The following ANKRD11 variants were observed in gnomAD, a reference collection of about 807,000 sequenced individuals.
ANKRD11 encodes ankyrin repeat domain 11.
ANKRD11 carries 17 observed loss-of-function variants against 195.7 expected under a neutral mutation model. The ratio of observed to expected loss-of-function variants is 0.09; its 90% CI spans 0.06 to 0.13. The LOEUF is 0.13. ANKRD11 is among the 10% of genes least tolerant of loss of function. The pLI is 1.00. For missense variants in ANKRD11, 3,735 were observed against 3,566.1 expected (o/e 1.05, Z -1.21); for synonymous variants, 1,953 against 1,528.1 (o/e 1.28, Z -6.49).
chr16:89,386,362 C>G (rs996114251), intron 2 of ANKRD11, among the ~76,000 whole-genome samples: 3 of 152,120 alleles, frequency 2.0e-5, no homozygotes, highest in Non-Finnish European at 4.4e-5. Context: ...CAACGTTACT[C>G]GTGTGTCCAG....
chr16:89,371,745 T>C (rs1309155063), intron 2 of ANKRD11, among the ~76,000 whole-genome samples: 2 of 152,242 alleles, frequency 1.3e-5, no homozygotes, highest in Non-Finnish European at 2.9e-5. Flanking sequence ...GACTCCCTCC[T>C]GCACCCCCTC....
rs1467607687 is a variant in ANKRD11, at chr16:89,367,884, G to A, written c.-60+50400C>T. 3.3e-5 allele frequency among the ~76,000 whole-genome samples: 5 copies of A among 152,178 alleles called. No homozygotes were observed. The South Asian group carries it at 1.0e-3, about 32-fold the overall frequency. Reference sequence around the variant, plus strand: ...AGTCAGGCACGGTGGTGTGCTTGTGGTACCGGCTACTCCAGAGGCTGAGGT... The same window carrying A: ...AGTCAGGCACGGTGGTGTGCTTGTGATACCGGCTACTCCAGAGGCTGAGGT... On this transcript the variant is annotated intron_variant, in intron 2 of 12. Coordinates refer to ENST00000301030, the MANE Select transcript of ANKRD11 (RefSeq NM_013275.6).
intron 1 of ANKRD11, among the ~76,000 whole-genome samples, chr16:89,456,542 CAAA>C (rs748076442): frequency 1.3e-5 from 1 of 74,306 alleles, no homozygotes. Context: ...GACTCCGTTT[CAAA>C]AAAAAAAAAA....
At chr16:89,384,570 T>C (rs1443590671) in intron 2 of ANKRD11, among the ~76,000 whole-genome samples, 4 of 150,298 alleles carry the variant, frequency 2.7e-5, no homozygotes, top group Middle Eastern at 6.3e-3. Context: ...TGGGACAGGA[T>C]GGGACGGGAC....
chr16:89,465,262 T>C (rs571962952), intron 1 of ANKRD11, among the ~76,000 whole-genome samples: 1 of 152,114 alleles, frequency 6.6e-6, no homozygotes, highest in Non-Finnish European at 1.5e-5. Context: ...TTCAAGATGC[T>C]AACCAATATA....
intron 3 of ANKRD11, 116 bp from the exon 4 acceptor site, chr16:89,305,460 C>G: frequency 7.1e-7 from 1 of 1,415,570 alleles, no homozygotes; most frequent in Non-Finnish European, 9.8e-7. Context: ...TGAACACCCT[C>G]CCTGCACCCC....
intron 2 of ANKRD11, among the ~76,000 whole-genome samples, chr16:89,331,931 G>C (rs867681992): frequency 2.6e-5 from 4 of 152,116 alleles, no homozygotes; most frequent in African/African-American, 4.8e-5. Context: ...GCTGGGAACC[G>C]TCATCACCAC....
chr16:89,313,405 G>T, intron 3 of ANKRD11: 2 of 1,288,882 alleles, frequency 1.6e-6, no homozygotes, highest in Non-Finnish European at 2.0e-6. Context: ...GGTCGGCAAT[G>T]GTGAGAGACC....
At chr16:89,382,766 C>T (rs933973258) in intron 2 of ANKRD11, among the ~76,000 whole-genome samples, 9 of 152,222 alleles carry the variant, frequency 5.9e-5, no homozygotes, top group Non-Finnish European at 1.3e-4. Context: ...AGGTGTGAGT[C>T]AACTGTGTTC....
rs1189551772 is a variant in ANKRD11 at position 89,457,055 on chromosome 16, G to T, written c.-145+33190C>A. Among the ~76,000 whole-genome samples the T allele has an allele frequency of 2.7e-5, 4 of 149,370 alleles. No homozygotes were observed. The East Asian group carries it at 8.0e-4, about 30-fold the overall frequency. On this transcript the variant is annotated intron_variant, in intron 1 of 12. Coordinates refer to ENST00000301030, the MANE Select transcript of ANKRD11 (RefSeq NM_013275.6). ...GCTCACTGCAAGCTCCGCCTCCCGG[G>T]TTCACGCCATTCTCCTGCCTCAGCC...
intron 2 of ANKRD11, among the ~76,000 whole-genome samples, chr16:89,370,301 T>C (rs2040138080): frequency 6.6e-6 from 1 of 152,072 alleles, no homozygotes; most frequent in Non-Finnish European, 1.5e-5. Context: ...GCTCTGAGGA[T>C]GAGAAGATGT....
intron 3 of ANKRD11, among the ~76,000 whole-genome samples, chr16:89,306,908 C>T (rs922043998): frequency 1.6e-4 from 25 of 152,022 alleles, no homozygotes; most frequent in African/African-American, 4.8e-4. Context: ...CCTCCCACTC[C>T]GCAGACACGT....
chr16:89,273,902 G>A (rs545085534), intron 11 of ANKRD11, among the ~76,000 whole-genome samples: 27 of 152,258 alleles, frequency 1.8e-4, no homozygotes, highest in Admixed American at 1.3e-3. Context: ...CACATATTAC[G>A]AGGGCTCTCG....
At chr16:89,337,397 C>CTGCACAATA (rs1343429148) in intron 2 of ANKRD11, among the ~76,000 whole-genome samples, 1 of 140,652 alleles carries the variant, frequency 7.1e-6, no homozygotes, top group Non-Finnish European at 1.5e-5. Context: ...GTTAACCCTA[C>CTGCACAATA]TGCACAATAC....
chr16:89,419,723 A>T (rs2042436430), intron 1 of ANKRD11, among the ~76,000 whole-genome samples: 1 of 152,198 alleles, frequency 6.6e-6, no homozygotes, highest in South Asian at 2.1e-4. Context: ...ATCCGAGAGA[A>T]TCGCGTGTTT....
intron 2 of ANKRD11, chr16:89,329,037 T>TG (rs1393527932): frequency 2.0e-5 from 3 of 149,966 alleles, no homozygotes; most frequent in Non-Finnish European, 4.4e-5. Flanking sequence ...GGTGAGTGAG[T>TG]GGACGCACCC....
chr16:89,406,490 GACA>G (rs746296556), intron 2 of ANKRD11, among the ~76,000 whole-genome samples: 12 of 152,344 alleles, frequency 7.9e-5, no homozygotes, highest in Admixed American at 2.6e-4. Context: ...ACCGTGACAA[GACA>G]ACATGTTCGT....
At chr16:89,369,999 T>A (rs919505655) in intron 2 of ANKRD11, among the ~76,000 whole-genome samples, 1 of 152,194 alleles carries the variant, frequency 6.6e-6, no homozygotes, top group Non-Finnish European at 1.5e-5. Context: ...GCTGGGGGCC[T>A]GGCCCCTTCA....
At chr16:89,405,411 C>A (rs1020828207) in intron 2 of ANKRD11, among the ~76,000 whole-genome samples, 2 of 151,886 alleles carry the variant, frequency 1.3e-5, no homozygotes, top group African/African-American at 2.4e-5. Flanking sequence ...GTAGCCTCGA[C>A]CTCCTGGGCT....
Sources: gnomAD v4.1 joint callset for allele counts (sites outside exome capture counted in the v4.1 genomes callset) on GRCh38, gnomAD v4.1.1 for gene constraint, MANE v1.5 for transcripts, NCBI Gene and HGNC (gene_info 2026-07-23, HGNC 2026-07-21) for gene names.